Variants in AOPEP observed in about 807,000 individuals in gnomAD.
The protein encoded by AOPEP is aminopeptidase O (putative).
Under a neutral mutation model 98.1 loss-of-function variants are expected in AOPEP, and 77 were observed. The ratio of observed to expected loss-of-function variants is 0.78; its 90% CI spans 0.65 to 0.95. The LOEUF (loss-of-function observed/expected upper bound fraction) is 0.95, where lower values mean the gene tolerates loss of function less well. Among genes scored for constraint, AOPEP ranks in the 40% least tolerant of loss-of-function variants. The pLI, the probability that AOPEP is intolerant of heterozygous loss-of-function variation, is 0.00. For missense variants in AOPEP, 1,024 were observed against 1,024.7 expected (o/e 1.00, Z 0.01); for synonymous variants, 346 against 365.3 (o/e 0.95, Z 0.60).
At chr9:94,757,133 A>G (rs964247928) in intron 1 of AOPEP, among the ~76,000 whole-genome samples, 2 of 152,220 alleles carry the variant, frequency 1.3e-5, no homozygotes, top group African/African-American at 4.8e-5. Context: ...AGCTTTGGTG[A>G]AAAGGGATAT....
chr9:94,791,614 A>C (rs924792609), intron 3 of AOPEP, among the ~76,000 whole-genome samples: 5 of 152,124 alleles, frequency 3.3e-5, no homozygotes, highest in African/African-American at 1.2e-4. Flanking sequence ...GGTATACAAG[A>C]GGTTGAGCTG....
chr9:94,736,150 C>T (rs1005830306), intron 1 of AOPEP, among the ~76,000 whole-genome samples: 1 of 152,116 alleles, frequency 6.6e-6, no homozygotes, highest in African/African-American at 2.4e-5. Context: ...CAAATCATCA[C>T]TGGATAATTC....
chr9:95,123,129 A>C, the AOPEP span, among the ~76,000 whole-genome samples: 5 of 151,804 alleles, frequency 3.3e-5, no homozygotes, highest in African/African-American at 4.8e-5. Context: ...GAGAGACTCT[A>C]TCTCTACAAA....
intron 14 of AOPEP, among the ~76,000 whole-genome samples, chr9:95,079,931 CG>C (rs1564613952): frequency 2.6e-5 from 4 of 152,124 alleles, no homozygotes; most frequent in South Asian, 2.1e-4. Flanking sequence ...TTGCCTCTTT[CG>C]GGGAATTAGA....
chr9:95,004,932 C>T (rs1209549009), intron 11 of AOPEP: 1 of 145,720 alleles, frequency 6.9e-6, no homozygotes, highest in Non-Finnish European at 1.5e-5. Context: ...CGCTCGGTGC[C>T]CGCCCGCCCG....
chr9:94,985,351 T>G (rs2060454673), intron 11 of AOPEP, among the ~76,000 whole-genome samples: 1 of 152,176 alleles, frequency 6.6e-6, no homozygotes, highest in Non-Finnish European at 1.5e-5. Context: ...AAAACTGAAG[T>G]CTTGTAGGGA....
At chr9:94,959,224 T>C (rs2058664813) in intron 9 of AOPEP, among the ~76,000 whole-genome samples, 2 of 152,076 alleles carry the variant, frequency 1.3e-5, no homozygotes, top group African/African-American at 2.4e-5. Context: ...TTTGTATTTT[T>C]AGTAGAGACA....
intron 5 of AOPEP, among the ~76,000 whole-genome samples, chr9:94,837,086 A>G (rs2041696984): frequency 6.6e-6 from 1 of 152,204 alleles, no homozygotes; most frequent in Non-Finnish European, 1.5e-5. Context: ...GTTACAACCA[A>G]CACCACAGAA....
rs1348645073 is a variant in AOPEP at position 94,845,703 on chromosome 9, G to A, written c.1364+44701G>A. ...TGTCTAAGATGTGAGAGAAAAAGAGGTCAAGAACAATTTCAAGATTTGGTG... is the reference window on the plus strand; with the variant it reads ...TGTCTAAGATGTGAGAGAAAAAGAGATCAAGAACAATTTCAAGATTTGGTG... On this transcript the variant is annotated intron_variant, in intron 5 of 16. Transcript: ENST00000375315. Among the ~76,000 whole-genome samples, 11 of 152,286 alleles carry A rather than the reference G, an allele frequency of 7.2e-5. No individual in the cohort carries two copies. The East Asian group carries it at 2.1e-3, about 29-fold the overall frequency.
At chr9:94,857,880 C>A (rs1159318825) in intron 5 of AOPEP, among the ~76,000 whole-genome samples, 2 of 152,144 alleles carry the variant, frequency 1.3e-5, no homozygotes, top group African/African-American at 2.4e-5. Context: ...GTTAAGACAT[C>A]ATTTACGTTG....
intron 4 of AOPEP, among the ~76,000 whole-genome samples, 169 bp downstream of exon 4, chr9:94,793,087 T>C (rs994437214): frequency 1.7e-4 from 26 of 152,188 alleles, no homozygotes; most frequent in African/African-American, 6.3e-4. Flanking sequence ...AAGAGAGGGC[T>C]AGGCGCAGTG....
At chr9:95,065,105 T>C (rs2067743194) in intron 14 of AOPEP, among the ~76,000 whole-genome samples, 1 of 152,240 alleles carries the variant, frequency 6.6e-6, no homozygotes, top group South Asian at 2.1e-4. Context: ...AGTAAGACAT[T>C]TCTATTTTGT....
At chr9:94,805,743 G>T (rs1849129590) in intron 5 of AOPEP, among the ~76,000 whole-genome samples, 1 of 152,220 alleles carries the variant, frequency 6.6e-6, no homozygotes, top group Admixed American at 6.5e-5. Context: ...CAAATAAACG[G>T]TATGCACGTA....
the AOPEP span, among the ~76,000 whole-genome samples, chr9:95,119,361 TTTTC>T: frequency 3.1e-5 from 2 of 65,562 alleles, no homozygotes; most frequent in Non-Finnish European, 2.7e-5. Context: ...TCTTTCTTCC[TTTTC>T]TTTTTTTTTT....
chr9:95,013,191 C>T (rs1216804317), intron 13 of AOPEP, among the ~76,000 whole-genome samples: 1 of 151,926 alleles, frequency 6.6e-6, no homozygotes, highest in Non-Finnish European at 1.5e-5. Context: ...ATATGTTTGA[C>T]TTCAAGTTTT....
intron 5 of AOPEP, among the ~76,000 whole-genome samples, chr9:94,849,139 G>A (rs1157475532): frequency 1.3e-5 from 2 of 152,204 alleles, no homozygotes; most frequent in African/African-American, 4.8e-5. Context: ...GCAGGGGGTA[G>A]GAATAGTAAG....
At chr9:94,976,254 C>A (rs76760577) in intron 10 of AOPEP, among the ~76,000 whole-genome samples, 11,807 of 152,158 alleles carry the variant, frequency 0.078, 1,154 homozygotes, top group African/African-American at 0.23. Context: ...AGAATGTTGC[C>A]TGTTTTTCAG....
At chr9:94,901,275 A>G (rs1157132019) in intron 5 of AOPEP, among the ~76,000 whole-genome samples, 1 of 152,204 alleles carries the variant, frequency 6.6e-6, no homozygotes, top group African/African-American at 2.4e-5. Flanking sequence ...AAGTTTGCTC[A>G]AATAAGAATC....
chr9:94,733,434 A>C lies in AOPEP; in HGVS notation c.-136+6683A>C, dbSNP rs1587942450. 2.0e-5 allele frequency among the ~76,000 whole-genome samples: 3 copies of C among 151,992 alleles called. No homozygotes were observed. The East Asian group carries it at 5.8e-4, about 29-fold the overall frequency. On this transcript the variant is annotated intron_variant, in intron 1 of 16. Transcript: ENST00000375315. ...GTCATTTTCTTATGATGGTTTTAGA[A>C]ATTCCTATTTTTACACCACATGGCA... is the stretch of plus-strand genomic sequence containing the variant.
Sources: allele counts gnomAD v4.1 joint callset (sites outside exome capture counted in the v4.1 genomes callset), GRCh38; gene constraint gnomAD v4.1.1; transcripts MANE v1.5; gene names NCBI Gene and HGNC (gene_info 2026-07-23, HGNC 2026-07-21).